The following RUFY2 variants were observed in gnomAD, a reference collection of about 807,000 sequenced individuals.
The protein encoded by RUFY2 is RUN and FYVE domain-containing protein 2.
A neutral mutation model predicts 94.4 loss-of-function variants in RUFY2; 49 were observed. The ratio of observed to expected loss-of-function variants is 0.52; its 90% CI spans 0.41 to 0.66. The LOEUF (loss-of-function observed/expected upper bound fraction) is 0.66. RUFY2 is among the 30% of genes least tolerant of loss of function. The pLI is 0.00. For synonymous variants in RUFY2, 255 were observed against 235.7 expected (o/e 1.08, Z -0.75); for missense variants, 541 against 692.8 (o/e 0.78, Z 2.46).
intron 16 of RUFY2, among the ~76,000 whole-genome samples, chr10:68,350,870 G>A (rs1443984498): frequency 6.6e-6 from 1 of 151,484 alleles, no homozygotes; most frequent in Non-Finnish European, 1.5e-5. Flanking sequence ...GCACCACTAT[G>A]CCCGGCTAAT....
At position 68,383,922 on chromosome 10, in the gene RUFY2, G is replaced by A. The variant is rs769944368; in HGVS notation, c.823-8C>T. 6.2e-7 allele frequency: 1 copy of A among 1,607,956 alleles called. No individual in the cohort carries two copies. The highest frequency in any genetic ancestry group is 8.5e-7 in the Non-Finnish European group (1 of 1,175,518). ...CACATCTACTTTGGTAACCTAGGAA[G>A]AAAACAAAATTTTTCATTCTATAAT... On this transcript the variant is annotated splice_region_variant and splice_polypyrimidine_tract_variant and intron_variant, in intron 9 of 17. Transcript: ENST00000602465.
chr10:68,347,737 A>C (rs186917986), intron 16 of RUFY2, among the ~76,000 whole-genome samples: 5 of 152,160 alleles, frequency 3.3e-5, no homozygotes, highest in African/African-American at 1.2e-4. Context: ...TTCCTAAAAC[A>C]TGTTCCTAAA....
chr10:68,406,049 T>C (rs1422666530), intron 1 of RUFY2, among the ~76,000 whole-genome samples: 2 of 152,166 alleles, frequency 1.3e-5, no homozygotes, highest in Admixed American at 6.6e-5. Context: ...CTGGTGGGAA[T>C]ACCTTCAACA....
At chr10:68,354,336 C>T (rs2046901049) in intron 16 of RUFY2, among the ~76,000 whole-genome samples, 1 of 152,030 alleles carries the variant, frequency 6.6e-6, no homozygotes, top group African/African-American at 2.4e-5. Flanking sequence ...ACCACCACAC[C>T]TGGCTAATTT....
intron 10 of RUFY2, 76 bp downstream of exon 10, chr10:68,383,722 G>A (rs1286636833): frequency 1.1e-5 from 11 of 1,043,408 alleles, no homozygotes; most frequent in African/African-American, 1.6e-5. Context: ...GGCTGAAAAA[G>A]ATTTTAAATG....
At position 68,384,172 on chromosome 10, in the gene RUFY2, C is replaced by T; in HGVS notation, c.721-20G>A. ...TGCTAACTAAAAATTAAGAAACGGG[C>T]AAGAAAAAAGATTTTAAACACCCTT... On this transcript the variant is annotated intron_variant, in intron 8 of 17. Transcript: ENST00000602465. 1 of 1,595,294 alleles carries T rather than the reference C, an allele frequency of 6.3e-7. No individual in the cohort carries two copies. The highest frequency in any genetic ancestry group is 8.5e-7 in the Non-Finnish European group (1 of 1,174,714).
chr10:68,401,473 A>G (rs1025442869), intron 3 of RUFY2, 147 bp downstream of exon 3: 54 of 598,582 alleles, frequency 9.0e-5, no homozygotes, highest in African/African-American at 8.8e-4. Context: ...GTTGAGCCAT[A>G]AAGAATGAAC....
intron 16 of RUFY2, among the ~76,000 whole-genome samples, chr10:68,348,466 G>T (rs567667457): frequency 6.6e-6 from 1 of 151,226 alleles, no homozygotes; most frequent in Non-Finnish European, 1.5e-5. Flanking sequence ...ACAGTGAGCT[G>T]TGATCATGCC....
intron 11 of RUFY2, among the ~76,000 whole-genome samples, chr10:68,380,108 CT>C (rs554527515): frequency 0.017 from 2,458 of 141,512 alleles, 58 homozygotes; most frequent in African/African-American, 0.053. Context: ...GCACACGGCC[CT>C]TTTTTTTTTT....
intron 8 of RUFY2, 69 bp from the exon 9 acceptor site, chr10:68,384,221 C>A (rs1267121665): frequency 6.7e-7 from 1 of 1,495,256 alleles, no homozygotes; most frequent in Non-Finnish European, 8.8e-7. Context: ...AGGTTATGTG[C>A]ATGGCCATAA....
rs1453581003 is a variant in RUFY2, at chr10:68,381,315, C to T, written c.1024G>A (p.Glu342Lys). Reference protein sequence around the residue: ...AMKLLEKDIHEKQDTLIGLRQ... With the variant: ...AMKLLEKDIHKKQDTLIGLRQ... ...AGGCCTATCAGAGTATCTTGTTTCT[C>T]ATGGATATCTTTCTCCAGCAACTTC... is the stretch of plus-strand genomic sequence containing the variant. The change falls in exon 11 of 18, where the codon GAG becomes AAG. Residue 342 changes from glutamate to lysine, a missense_variant. Physicochemically the swap from Glu to Lys is moderately conservative, Grantham distance 56 (BLOSUM62 1). Around this residue, in one of 3 missense-constraint regions of RUFY2, gnomAD observed 403 missense variants for 480.7 expected, o/e 0.84. Transcript: ENST00000602465. 1 of 1,613,866 alleles carries T rather than the reference C, an allele frequency of 6.2e-7. No individual in the cohort carries two copies. The highest frequency in any genetic ancestry group is 1.3e-5 in the African/African-American group (1 of 74,932).
chr10:68,346,079 C>T lies in RUFY2; in HGVS notation c.1605G>A (p.Leu535=), dbSNP rs1268295803. ...TTGCTTCTTTGTCTTTCAGCCAAAC[C>T]AGTCCCTAGTAGGAAGAAAATATTA... ...IKEANKALQG[L]VWLKDKEATH... Residue 535 remains leucine (L), a synonymous_variant, in exon 17 of 18, where the codon CTG becomes CTA. Coordinates refer to ENST00000602465, the MANE Select transcript of RUFY2 (RefSeq NM_001330103.2). 1 of 1,611,716 alleles carries T rather than the reference C, an allele frequency of 6.2e-7. No homozygotes were observed. Among genetic ancestry groups the T allele is most frequent in the African/African-American group, 1.3e-5 (1 of 74,900 alleles).
At chr10:68,342,885 C>T (rs1397149465), downstream of RUFY2, 1 of 152,042 alleles carries the variant, frequency 6.6e-6, no homozygotes, top group East Asian at 1.9e-4. Flanking sequence ...GTTTTCTGCC[C>T]AATAGAGTTT....
intron 13 of RUFY2, among the ~76,000 whole-genome samples, chr10:68,365,397 G>T (rs955957843): frequency 2.0e-5 from 3 of 152,142 alleles, no homozygotes; most frequent in African/African-American, 7.2e-5. Flanking sequence ...TTTCCTCCCA[G>T]ATCCCAAAGA....
At chr10:68,360,051 C>T (rs1482602573) in intron 15 of RUFY2, among the ~76,000 whole-genome samples, 1 of 151,956 alleles carries the variant, frequency 6.6e-6, no homozygotes, top group East Asian at 2.0e-4. Flanking sequence ...GCCTCGAACT[C>T]CTGACCTCAA....
At chr10:68,381,500 T>C in intron 10 of RUFY2, 101 bp from the exon 11 acceptor site, 1 of 1,075,738 alleles carries the variant, frequency 9.3e-7, no homozygotes, top group Non-Finnish European at 1.3e-6. Flanking sequence ...ACTACACCTT[T>C]TAAGTCCACT....
intron 11 of RUFY2, 91 bp from the exon 12 acceptor site, chr10:68,379,612 T>A (rs1037139324): frequency 4.7e-6 from 4 of 843,522 alleles, no homozygotes; most frequent in African/African-American, 3.5e-5. Flanking sequence ...AGATAGGGTA[T>A]CACTATGCAG....
chr10:68,351,088 A>T, intron 16 of RUFY2, among the ~76,000 whole-genome samples: 1 of 148,918 alleles, frequency 6.7e-6, no homozygotes, highest in South Asian at 2.1e-4. Flanking sequence ...AGTTTACATA[A>T]TGATGGTTTT....
Position 68,405,438 on chromosome 10 carries a change from C to T in RUFY2, c.5-594G>A, listed in dbSNP as rs913757108. On this transcript the variant is annotated intron_variant, in intron 1 of 17. Transcript: ENST00000602465. ...TGCCATTCTCCTGTATTTAACTTTC[C>T]TGGTACCTCTTCATAGAGAATGAGT... 5.1e-6 allele frequency: 5 copies of T among 972,860 alleles called. No individual in the cohort carries two copies. The African/African-American group carries it at 8.8e-5, about 17-fold the overall frequency. The allele number at this position is 972,860 out of a possible 1,614,324, so 60.3% of individuals were successfully genotyped here.
Sources: allele counts gnomAD v4.1 joint callset (sites outside exome capture counted in the v4.1 genomes callset), GRCh38; gene constraint gnomAD v4.1.1; regional missense constraint gnomAD v4.1.1; transcripts MANE v1.5; gene names NCBI Gene and HGNC (gene_info 2026-07-23, HGNC 2026-07-21).